Variants in STK32A observed in about 807,000 individuals in gnomAD.
The protein encoded by STK32A is serine/threonine-protein kinase 32A.
Under a neutral mutation model 53.2 loss-of-function variants are expected in STK32A, and 41 were observed. That is an observed-to-expected ratio of 0.77 (90% CI 0.60 to 1.00). The LOEUF (loss-of-function observed/expected upper bound fraction) is 1.00, where lower values mean the gene tolerates loss of function less well. Ranked by LOEUF, STK32A falls within the 50% of genes least tolerant of loss-of-function variation. STK32A has a pLI of 0.00. For missense variants in STK32A, 458 were observed against 485.8 expected, an observed-to-expected ratio of 0.94 and a Z score of 0.54; for synonymous variants, 166 against 162.8, an observed-to-expected ratio of 1.02 and a Z score of -0.15.
At chr5:147,249,382 A>G (rs1753884345) in intron 2 of STK32A, among the ~76,000 whole-genome samples, 1 of 152,138 alleles carries the variant, frequency 6.6e-6, no homozygotes, top group Non-Finnish European at 1.5e-5. Context: ...ATTGCTCAAT[A>G]AATGTTAGCT....
chr5:147,321,354 A>G (rs1319802912), intron 4 of STK32A, among the ~76,000 whole-genome samples: 1 of 152,238 alleles, frequency 6.6e-6, no homozygotes, highest in Non-Finnish European at 1.5e-5. Flanking sequence ...TTTACTGGGC[A>G]TAGTTCTGGA....
chr5:147,307,040 T>C (rs1469959018), intron 4 of STK32A, among the ~76,000 whole-genome samples: 1 of 152,114 alleles, frequency 6.6e-6, no homozygotes, highest in Non-Finnish European at 1.5e-5. Flanking sequence ...AATGAGACAT[T>C]GAATAACCTA....
intron 2 of STK32A, among the ~76,000 whole-genome samples, chr5:147,251,566 C>T (rs996509884): frequency 3.3e-5 from 5 of 152,134 alleles, no homozygotes; most frequent in African/African-American, 1.2e-4. Context: ...CCCAGGATGG[C>T]CAACCAGAAT....
intron 2 of STK32A, among the ~76,000 whole-genome samples, chr5:147,258,653 T>C (rs1037358665): frequency 2.1e-5 from 3 of 143,206 alleles, no homozygotes; most frequent in African/African-American, 3.0e-5. Context: ...GAATTTACTA[T>C]ATAACATTCT....
intron 4 of STK32A, among the ~76,000 whole-genome samples, chr5:147,294,369 C>T (rs765297586): frequency 6.6e-6 from 1 of 152,044 alleles, no homozygotes; most frequent in African/African-American, 2.4e-5. Context: ...TCAAGCAATT[C>T]TTCTGCCTCA....
intron 8 of STK32A, among the ~76,000 whole-genome samples, chr5:147,361,817 T>C (rs574280676): frequency 6.6e-6 from 1 of 152,350 alleles, no homozygotes; most frequent in Non-Finnish European, 1.5e-5. Context: ...TCAATTACCA[T>C]TAAATTACAC....
Position 147,385,513 on chromosome 5 carries a change from G to A in STK32A, c.*1530G>A, listed in dbSNP as rs1757614946. 1 of 152,130 alleles carries A rather than the reference G, an allele frequency of 6.6e-6. No individual in the cohort carries two copies. The highest frequency in any genetic ancestry group is 1.5e-5 in the Non-Finnish European group (1 of 68,024). The allele number at this position is 152,130 out of a possible 1,614,324, so 9.4% of individuals were successfully genotyped here. ...AGTTCATGGAGACTAAGGGAACAGT[G>A]GTATCATGTCTCCCTTCTCCCTTGT... On this transcript the variant is annotated 3_prime_UTR_variant, in exon 13 of 13. Transcript: ENST00000397936.
At chr5:147,334,591 TA>T (rs1755026100) in intron 5 of STK32A, among the ~76,000 whole-genome samples, 1 of 152,192 alleles carries the variant, frequency 6.6e-6, no homozygotes. Context: ...ATAGGGATAA[TA>T]ATTGTACCTA....
chr5:147,355,608 G>C (rs1223243361), intron 7 of STK32A, among the ~76,000 whole-genome samples: 1 of 152,064 alleles, frequency 6.6e-6, no homozygotes, highest in African/African-American at 2.4e-5. Flanking sequence ...AACCCGGGAG[G>C]CGGAGCTCGC....
chr5:147,361,690 T>C lies in STK32A; in HGVS notation c.660+76T>C, dbSNP rs1406585194. The C allele has an allele frequency of 5.6e-6, 6 of 1,067,134 alleles. No homozygotes were observed. In the South Asian group the frequency reaches 6.7e-5, roughly 12 times the overall value. The allele number at this position is 1,067,134 out of a possible 1,614,324, so 66.1% of individuals were successfully genotyped here. A position where few individuals can be genotyped will look rare whatever the true frequency, so the allele number is the denominator to read the frequency against. On this transcript the variant is annotated intron_variant, in intron 8 of 12. Transcript: ENST00000397936. Reference sequence around the variant, plus strand: ...TAGAATGAAAGAATGTATTGTTTGCTAAGATCCAAGCAGTTCACTTGAAAG... The same window carrying C: ...TAGAATGAAAGAATGTATTGTTTGCCAAGATCCAAGCAGTTCACTTGAAAG...
intron 4 of STK32A, among the ~76,000 whole-genome samples, chr5:147,299,613 G>A (rs778542516): frequency 6.6e-6 from 1 of 152,148 alleles, no homozygotes; most frequent in Non-Finnish European, 1.5e-5. Flanking sequence ...ATGTCAACGT[G>A]AAACAAGATT....
chr5:147,251,415 G>A (rs1006761308), intron 2 of STK32A, among the ~76,000 whole-genome samples: 1 of 152,134 alleles, frequency 6.6e-6, no homozygotes, highest in African/African-American at 2.4e-5. Context: ...TTTATCATTC[G>A]ATCAGTCTAC....
chr5:147,294,114 C>CA (rs1426185695), intron 4 of STK32A, among the ~76,000 whole-genome samples: 3 of 152,190 alleles, frequency 2.0e-5, no homozygotes, highest in Non-Finnish European at 4.4e-5. Flanking sequence ...TCTGGCCTTG[C>CA]ACCAGTGAGC....
intron 2 of STK32A, among the ~76,000 whole-genome samples, chr5:147,272,345 G>A (rs1031630957): frequency 5.3e-5 from 8 of 152,146 alleles, no homozygotes; most frequent in East Asian, 1.9e-4. Context: ...CCAAAGTGCT[G>A]GGATTACAGG....
At chr5:147,349,085 C>A (rs538475951) in intron 6 of STK32A, among the ~76,000 whole-genome samples, 1 of 152,144 alleles carries the variant, frequency 6.6e-6, no homozygotes, top group South Asian at 2.1e-4. Flanking sequence ...TGAGCAGGAC[C>A]CATGGGGAGA....
At chr5:147,275,917 C>T (rs747654733) in intron 2 of STK32A, among the ~76,000 whole-genome samples, 7 of 152,082 alleles carry the variant, frequency 4.6e-5, no homozygotes, top group African/African-American at 9.7e-5. Context: ...AGGTGGTTCA[C>T]AAAATGGATT....
At chr5:147,271,789 T>C (rs1019736937) in intron 2 of STK32A, among the ~76,000 whole-genome samples, 2 of 152,128 alleles carry the variant, frequency 1.3e-5, no homozygotes, top group South Asian at 4.1e-4. Flanking sequence ...CCTGTTGCTC[T>C]CAAACCCTGT....
In STK32A at chr5:147,386,776, G is replaced by A. The variant is rs1757658015; in HGVS notation, c.*2793G>A. The A allele has an allele frequency of 6.6e-6, 1 of 152,148 alleles. No homozygotes were observed. Among genetic ancestry groups the A allele is most frequent in the African/African-American group, 2.4e-5 (1 of 41,432 alleles). The allele number at this position is 152,148 out of a possible 1,614,324, so 9.4% of individuals were successfully genotyped here. Reference sequence around the variant, plus strand: ...TTCAAGTTTGAAAAGCAAAACCATGGTATCTGACAGTGCTGATTGTAATCA... The same window carrying A: ...TTCAAGTTTGAAAAGCAAAACCATGATATCTGACAGTGCTGATTGTAATCA... On this transcript the variant is annotated 3_prime_UTR_variant, in exon 13 of 13. Transcript: ENST00000397936.
intron 4 of STK32A, among the ~76,000 whole-genome samples, chr5:147,312,484 A>G (rs988123754): frequency 6.6e-6 from 1 of 152,166 alleles, no homozygotes; most frequent in Non-Finnish European, 1.5e-5. Flanking sequence ...ATAAATTCTA[A>G]GTTGTCCACA....
Sources: gnomAD v4.1 joint callset for allele counts (sites outside exome capture counted in the v4.1 genomes callset) on GRCh38, gnomAD v4.1.1 for gene constraint, MANE v1.5 for transcripts, NCBI Gene and HGNC (gene_info 2026-07-23, HGNC 2026-07-21) for gene names.